The following ENDOV variants were observed in gnomAD, a reference collection of about 807,000 sequenced individuals.
The protein encoded by ENDOV is endonuclease V.
In ENDOV, 37 loss-of-function variants were observed where a neutral mutation model predicts 39.4. The observed-to-expected ratio is 0.94, with a 90% CI of 0.72 to 1.23. The LOEUF (loss-of-function observed/expected upper bound fraction) is 1.23. ENDOV is among the 50% of genes most tolerant of loss of function. The pLI is 0.00. For missense variants in ENDOV, 441 were observed against 375.7 expected (o/e 1.17, Z -1.44); for synonymous variants, 186 against 163.4 (o/e 1.14, Z -1.05).
intron 9 of ENDOV, among the ~76,000 whole-genome samples, chr17:80,432,388 A>G (rs1254934452): frequency 6.6e-6 from 1 of 151,920 alleles, no homozygotes; most frequent in African/African-American, 2.4e-5. Flanking sequence ...ACCCCTGTGG[A>G]GTCCTGTCTG....
In ENDOV at chr17:80,436,740, G is replaced by T; in HGVS notation, c.*597G>T. On this transcript the variant is annotated 3_prime_UTR_variant, in exon 10 of 10. Coordinates refer to ENST00000518137, the MANE Select transcript of ENDOV (RefSeq NM_173627.5). ...GTGTTTTCTTATGATGTCTTCCTTTGGTTTTGATATCAGGATAATATTAGC... is the reference window on the plus strand; with the variant it reads ...GTGTTTTCTTATGATGTCTTCCTTTTGTTTTGATATCAGGATAATATTAGC... 6.2e-6 allele frequency: 1 copy of T among 161,860 alleles called. No homozygotes were observed. The highest frequency in any genetic ancestry group is 1.3e-5 in the Non-Finnish European group (1 of 74,654). 10.0% of individuals were successfully genotyped at this position (161,860 alleles called of 1,614,324 possible). A position where few individuals can be genotyped will look rare whatever the true frequency, so the allele number is the denominator to read the frequency against.
chr17:80,432,606 G>A (rs369328564), intron 9 of ENDOV, among the ~76,000 whole-genome samples: 9 of 152,130 alleles, frequency 5.9e-5, no homozygotes, highest in South Asian at 2.1e-4. Context: ...CTTAGGCACC[G>A]CTCTGGGGAC....
intron 9 of ENDOV, among the ~76,000 whole-genome samples, chr17:80,432,305 G>GA (rs905144513): frequency 1.3e-5 from 2 of 152,146 alleles, no homozygotes; most frequent in Non-Finnish European, 2.9e-5. Flanking sequence ...CTGGGCCCAG[G>GA]AATGAGGCAT....
chr17:80,426,196 C>T (rs574110817), intron 7 of ENDOV, among the ~76,000 whole-genome samples: 1 of 152,334 alleles, frequency 6.6e-6, no homozygotes, highest in South Asian at 2.1e-4. Context: ...GCACGAGATG[C>T]CCACAGACAG....
chr17:80,420,733 C>G (rs1198182280), intron 2 of ENDOV, among the ~76,000 whole-genome samples: 1 of 152,228 alleles, frequency 6.6e-6, no homozygotes, highest in African/African-American at 2.4e-5. Flanking sequence ...AGACTCAGGC[C>G]TGCCATGTTG....
At chr17:80,420,018 A>ATACG in intron 2 of ENDOV, 1 of 291,210 alleles carries the variant, frequency 3.4e-6, no homozygotes, top group South Asian at 4.1e-5. Flanking sequence ...TTGGAAAAGG[A>ATACG]TACGTTGGAC....
chr17:80,427,461 A>G, intron 7 of ENDOV: 1 of 985,346 alleles, frequency 1.0e-6, no homozygotes, highest in East Asian at 1.1e-4. Context: ...TAGAGCAAGG[A>G]TCTGTGCCTA....
intron 5 of ENDOV, 86 bp from the exon 6 acceptor site, chr17:80,424,946 C>G: frequency 8.5e-7 from 1 of 1,170,850 alleles, no homozygotes; most frequent in Non-Finnish European, 1.2e-6. Flanking sequence ...CAGTGCGACA[C>G]TCCGTCTCAA....
chr17:80,428,742 CTTGTTGCAATA>C (rs1285284751), intron 8 of ENDOV, 82 bp downstream of exon 8: 2 of 1,357,042 alleles, frequency 1.5e-6, no homozygotes, highest in Admixed American at 4.0e-5. Context: ...TCAGCCTCTC[CTTGTTGCAATA>C]TTGTGGCTCA....
intron 9 of ENDOV, chr17:80,430,146 C>T (rs1316034482): frequency 6.6e-7 from 1 of 1,518,586 alleles, no homozygotes; most frequent in Non-Finnish European, 8.8e-7. Context: ...CCCCTCTTTG[C>T]TCCGTCATCG....
chr17:80,415,320 T>C, intron 1 of ENDOV, 70 bp downstream of exon 1: 1 of 1,551,796 alleles, frequency 6.4e-7, no homozygotes, highest in South Asian at 1.1e-5. Context: ...CCCTCCGAGC[T>C]CATAGTCTTC....
intron 9 of ENDOV, among the ~76,000 whole-genome samples, chr17:80,435,834 T>G (rs2083561585): frequency 1.3e-5 from 2 of 151,694 alleles, no homozygotes; most frequent in Admixed American, 1.3e-4. Flanking sequence ...GCCAGGATGG[T>G]CTCGATCTCC....
At chr17:80,417,653 A>T (rs1476822752) in intron 2 of ENDOV, 1 of 152,218 alleles carries the variant, frequency 6.6e-6, no homozygotes, top group Admixed American at 6.5e-5. Flanking sequence ...CCTATGGGTT[A>T]TAATTTCAAC....
intron 5 of ENDOV, chr17:80,424,047 C>G (rs933685874): frequency 5.0e-6 from 2 of 398,196 alleles, no homozygotes; most frequent in African/African-American, 2.1e-5. Context: ...CCCCCTCCCG[C>G]CAAGACCTGC....
intron 9 of ENDOV, among the ~76,000 whole-genome samples, chr17:80,435,375 G>A (rs547664654): frequency 6.6e-6 from 1 of 152,304 alleles, no homozygotes; most frequent in African/African-American, 2.4e-5. Context: ...TTAAGTCTTT[G>A]ATCCATTTTG....
chr17:80,415,362 G>A, intron 1 of ENDOV, 112 bp downstream of exon 1: 4 of 1,329,062 alleles, frequency 3.0e-6, no homozygotes, highest in Non-Finnish European at 4.2e-6. Context: ...CACCGCCCGA[G>A]ACTCCAAAGC....
chr17:80,434,557 C>T (rs1030267091), intron 9 of ENDOV, among the ~76,000 whole-genome samples: 11 of 152,308 alleles, frequency 7.2e-5, no homozygotes, highest in Non-Finnish European at 1.3e-4. Flanking sequence ...CACATCCCCA[C>T]CAGCAATGCC....
Position 80,415,249 on chromosome 17 carries a change from C to A in ENDOV, c.55C>A (p.Arg19=), listed in dbSNP as rs773520311. 3 of 1,613,448 alleles carry A rather than the reference C, an allele frequency of 1.9e-6. No individual in the cohort carries two copies. The highest frequency in any genetic ancestry group is 2.5e-6 in the Non-Finnish European group (3 of 1,179,720). The part of the protein sequence containing the change: ...PPEETLSLWK[R]EQARLKAHVV... ...GGAGGAAACGCTGTCACTGTGGAAA[C>A]GGTAATGCTGTCAGGCGACGCGCAG... is the stretch of plus-strand genomic sequence containing the variant. The change falls in exon 1 of 10, where the codon CGG becomes AGG. Residue 19 remains arginine (R), a splice_region_variant and synonymous_variant. Transcript: ENST00000518137.
chr17:80,423,347 A>T (rs184691249), intron 4 of ENDOV, among the ~76,000 whole-genome samples, 173 bp from the exon 5 acceptor site: 1 of 152,230 alleles, frequency 6.6e-6, no homozygotes, highest in South Asian at 2.1e-4. Flanking sequence ...CATCGGGCAC[A>T]GGGGGCTTTC....
Sources: gnomAD v4.1 joint callset for allele counts (sites outside exome capture counted in the v4.1 genomes callset) on GRCh38, gnomAD v4.1.1 for gene constraint, MANE v1.5 for transcripts, NCBI Gene and HGNC (gene_info 2026-07-23, HGNC 2026-07-21) for gene names.